TRANK1: variants seen among roughly 807,000 people sequenced by gnomAD.
The protein encoded by TRANK1 is TPR and ankyrin repeat-containing protein 1.
TRANK1 carries 198 observed loss-of-function variants against 266.0 expected under a neutral mutation model. That is an observed-to-expected ratio of 0.74 (90% confidence interval 0.66 to 0.84). The LOEUF is 0.84. TRANK1 is among the 40% of genes least tolerant of loss of function. The probability of loss-of-function intolerance (pLI) is 0.00; values close to 1 mark genes in which losing one functional copy is unlikely to be tolerated. For missense variants in TRANK1, 3,326 were observed against 3,634.6 expected (o/e 0.92, Z 2.18); for synonymous variants, 1,396 against 1,384.1 (o/e 1.01, Z -0.19).
At chr3:36,879,742 AAAT>A (rs2079462159) in intron 8 of TRANK1, among the ~76,000 whole-genome samples, 3 of 108,408 alleles carry the variant, frequency 2.8e-5, no homozygotes, top group Non-Finnish European at 5.2e-5. Flanking sequence ...ATAAATATAC[AAAT>A]ATATAAATAT....
chr3:36,850,643 A>T, intron 15 of TRANK1: 1 of 804,890 alleles, frequency 1.2e-6, no homozygotes, highest in Non-Finnish European at 1.5e-6. Context: ...GAATGAGAGT[A>T]ATAAAAATAC....
intron 1 of TRANK1, among the ~76,000 whole-genome samples, chr3:36,924,660 T>C (rs1288838389): frequency 1.3e-5 from 2 of 152,172 alleles, no homozygotes; most frequent in Non-Finnish European, 2.9e-5. Context: ...GGCTCAACTG[T>C]TGGCTGCTTC....
rs1258163160 is a variant in TRANK1, at chr3:36,833,122, T to C, written c.6461A>G (p.Lys2154Arg). 13 of 1,612,518 alleles carry C rather than the reference T, an allele frequency of 8.1e-6. No individual in the cohort carries two copies. The Admixed American group carries it at 2.2e-4, about 27-fold the overall frequency. Reference protein sequence around the residue: ...LDLNLREKKTKDHFLIMTDQV... With the variant: ...LDLNLREKKTRDHFLIMTDQV... The stretch of plus-strand genomic sequence containing the variant: ...GTCAGTCATTATCAAAAAATGATCT[T>C]TTGTTTTTTTCTCTCTCAAGTTCAA... Residue 2154 changes from lysine (K) to arginine (R), a missense_variant, in exon 22 of 24, where the codon AAA (lysine) becomes AGA (arginine). Lys to Arg is a conservative substitution (Grantham distance 26). Coordinates refer to ENST00000645898, the MANE Select transcript of TRANK1 (RefSeq NM_001329998.2).
rs367829520 is a variant in TRANK1, at chr3:36,855,303, G to A, written c.4419C>T (p.Gly1473=). 7.4e-6 allele frequency: 12 copies of A among 1,613,904 alleles called. No homozygotes were observed. The East Asian group carries it at 8.9e-5, about 12-fold the overall frequency. ...GCAGATCGCTGAAGCGGAAGGCCACGCCCTTCATGATGCTCTGGGCCGTGT... is the reference window on the plus strand; with the variant it reads ...GCAGATCGCTGAAGCGGAAGGCCACACCCTTCATGATGCTCTGGGCCGTGT... ...TGDTAQSIMK[G]VAFRFSDLRS... The change falls in exon 13 of 24, where the codon GGC becomes GGT. Residue 1473 remains glycine (G), a synonymous_variant. Coordinates refer to ENST00000645898, the MANE Select transcript of TRANK1 (RefSeq NM_001329998.2).
chr3:36,851,467 G>A, intron 15 of TRANK1: 1 of 1,226,850 alleles, frequency 8.2e-7, no homozygotes, highest in South Asian at 2.6e-5. Flanking sequence ...ACTGGCACTT[G>A]GGTACTAGAG....
Position 36,895,693 on chromosome 3 carries a change from T to C in TRANK1, c.499A>G (p.Thr167Ala), listed in dbSNP as rs1213314356. The C allele has an allele frequency of 3.9e-6, 6 of 1,536,812 alleles. No homozygotes were observed. The highest frequency in any genetic ancestry group is 1.2e-5 in the South Asian group (1 of 83,848). ...TCTATTACAGATTGCCACACTTCTG[T>C]TGGGAATCCAGTTGTGAAAATATGA... is the stretch of plus-strand genomic sequence containing the variant. ...FDHIFTTGFPTEVWQSVIEKL... is the reference protein window; with the variant it reads ...FDHIFTTGFPAEVWQSVIEKL... Residue 167 changes from threonine (T) to alanine (A), a missense_variant, in exon 5 of 24, where the codon ACA (threonine) becomes GCA (alanine). By Grantham distance (58) the Thr-to-Ala change is moderately conservative (BLOSUM62 0). Transcript: ENST00000645898.
intron 1 of TRANK1, among the ~76,000 whole-genome samples, chr3:36,942,482 CAAAA>C (rs565174922): frequency 1.3e-5 from 1 of 79,946 alleles, no homozygotes. Context: ...TCTTCTTCCT[CAAAA>C]AAAAAAAAAA....
At chr3:36,936,755 T>A (rs937325910) in intron 1 of TRANK1, among the ~76,000 whole-genome samples, 2 of 152,084 alleles carry the variant, frequency 1.3e-5, no homozygotes, top group African/African-American at 2.4e-5. Context: ...GAAAGACAGA[T>A]GATGGTTCCA....
At chr3:36,939,754 T>A (rs1217345238) in intron 1 of TRANK1, among the ~76,000 whole-genome samples, 1 of 152,198 alleles carries the variant, frequency 6.6e-6, no homozygotes, top group Non-Finnish European at 1.5e-5. Context: ...CCAGTACAGG[T>A]ACATCTGTAA....
chr3:36,915,211 A>T (rs1267632726), intron 1 of TRANK1, among the ~76,000 whole-genome samples: 1 of 152,196 alleles, frequency 6.6e-6, no homozygotes. Flanking sequence ...TTGGCCTCCC[A>T]AAGTGCTGGG....
At chr3:36,885,963 A>T (rs138747906) in intron 8 of TRANK1, among the ~76,000 whole-genome samples, 26 of 152,250 alleles carry the variant, frequency 1.7e-4, no homozygotes, top group African/African-American at 6.0e-4. Flanking sequence ...AAACATTTTT[A>T]AAAATATTCC....
At position 36,834,860 on chromosome 3, in the gene TRANK1, G is replaced by A. The variant is rs377518707; in HGVS notation, c.5565C>T (p.Asp1855=). The change falls in exon 21 of 24, where the codon GAC becomes GAT. Residue 1855 remains aspartate, a synonymous_variant. Coordinates refer to ENST00000645898, the MANE Select transcript of TRANK1 (RefSeq NM_001329998.2). ...YFYKRSQCYK[D]AFRCFEQIQE... ...GAATCTGCTCAAAGCATCTGAAAGCGTCTTTGTAGCACTGGCTTCGCTTAT... is the reference window on the plus strand; with the variant it reads ...GAATCTGCTCAAAGCATCTGAAAGCATCTTTGTAGCACTGGCTTCGCTTAT... 2.1e-5 allele frequency: 34 copies of A among 1,613,586 alleles called. No homozygotes were observed. The highest frequency in any genetic ancestry group is 1.2e-4 in the Admixed American group (7 of 59,974).
At chr3:36,918,584 AAGGAAGGAAG>A (rs2080167319) in intron 1 of TRANK1, among the ~76,000 whole-genome samples, 1 of 110,732 alleles carries the variant, frequency 9.0e-6, no homozygotes, top group Non-Finnish European at 1.9e-5. Context: ...GGAAGGAAGG[AAGGAAGGAAG>A]GAAGGAAGGA....
At chr3:36,835,078 G>C (rs949856867) in intron 20 of TRANK1, among the ~76,000 whole-genome samples, 171 bp from the exon 21 acceptor site, 1 of 152,028 alleles carries the variant, frequency 6.6e-6, no homozygotes, top group African/African-American at 2.4e-5. Flanking sequence ...CCAGCACTTT[G>C]GGAGGCCGAG....
At chr3:36,938,220 GT>G (rs71091692) in intron 1 of TRANK1, among the ~76,000 whole-genome samples, 6,063 of 151,572 alleles carry the variant, frequency 0.04, 422 homozygotes, top group African/African-American at 0.14. Flanking sequence ...TGTTTGTTTT[GT>G]TTTTTTTGTT....
At chr3:36,846,850 A>G (rs1315246238) in intron 16 of TRANK1, among the ~76,000 whole-genome samples, 26 of 152,190 alleles carry the variant, frequency 1.7e-4, no homozygotes, top group Admixed American at 1.7e-3. Flanking sequence ...TAAAAATTAA[A>G]CCAGTCATAC....
chr3:36,916,101 G>C (rs1402929999), intron 1 of TRANK1, among the ~76,000 whole-genome samples: 1 of 152,190 alleles, frequency 6.6e-6, no homozygotes, highest in African/African-American at 2.4e-5. Flanking sequence ...CAATACAGAA[G>C]GCACTAGCCA....
At chr3:36,837,262 T>G (rs2078782894) in intron 20 of TRANK1, among the ~76,000 whole-genome samples, 1 of 152,182 alleles carries the variant, frequency 6.6e-6, no homozygotes. Flanking sequence ...GAGAGCAGCG[T>G]TGTATCCCTG....
chr3:36,904,848 G>A (rs1051962541), intron 2 of TRANK1, among the ~76,000 whole-genome samples: 1 of 152,078 alleles, frequency 6.6e-6, no homozygotes, highest in Non-Finnish European at 1.5e-5. Context: ...ATTCCCAGCT[G>A]CAATGTCTGT....
Sources: allele counts gnomAD v4.1 joint callset (sites outside exome capture counted in the v4.1 genomes callset), GRCh38; gene constraint gnomAD v4.1.1; transcripts MANE v1.5; gene names NCBI Gene and HGNC (gene_info 2026-07-23, HGNC 2026-07-21).